Variants in RFX3 observed in about 807,000 individuals in gnomAD.
RFX3 encodes transcription factor RFX3.
RFX3 carries 14 observed loss-of-function variants against 98.6 expected under a neutral mutation model. The observed-to-expected ratio is 0.14, with a 90% CI of 0.09 to 0.22. The LOEUF (loss-of-function observed/expected upper bound fraction) is 0.22. Among genes scored for constraint, RFX3 ranks in the 10% least tolerant of loss-of-function variants. RFX3 has a pLI of 1.00. For synonymous variants in RFX3, 383 were observed against 328.4 expected (o/e 1.17, Z -1.80); for missense variants, 639 against 926.9 (o/e 0.69, Z 4.03).
At chr9:3,520,679 T>C (rs1338114443) in intron 1 of RFX3, among the ~76,000 whole-genome samples, 1 of 152,200 alleles carries the variant, frequency 6.6e-6, no homozygotes, top group Non-Finnish European at 1.5e-5. Context: ...CATTCGTTTC[T>C]GTTTTTGGTG....
At chr9:3,292,496 A>C (rs907277960) in intron 6 of RFX3, among the ~76,000 whole-genome samples, 1 of 152,188 alleles carries the variant, frequency 6.6e-6, no homozygotes, top group Non-Finnish European at 1.5e-5. Flanking sequence ...GGCTAATAAG[A>C]GGTAAAATAG....
chr9:3,480,980 A>G (rs1849709975), intron 1 of RFX3, among the ~76,000 whole-genome samples: 1 of 152,182 alleles, frequency 6.6e-6, no homozygotes, highest in Non-Finnish European at 1.5e-5. Context: ...TATATGCTAA[A>G]TGACTACCAC....
chr9:3,513,319 A>G (rs1406477905), intron 1 of RFX3, among the ~76,000 whole-genome samples: 1 of 152,118 alleles, frequency 6.6e-6, no homozygotes, highest in Admixed American at 6.6e-5. Flanking sequence ...GTGAACTGGG[A>G]TTCATATTTA....
chr9:3,499,843 T>C (rs1344806781), intron 1 of RFX3, among the ~76,000 whole-genome samples: 1 of 152,188 alleles, frequency 6.6e-6, no homozygotes, highest in Non-Finnish European at 1.5e-5. Context: ...TAATATTACC[T>C]GCAACTTTGG....
intron 1 of RFX3, among the ~76,000 whole-genome samples, chr9:3,504,757 A>ATATATAT (rs1295340148): frequency 3.8e-5 from 3 of 78,964 alleles, no homozygotes; most frequent in African/African-American, 9.6e-5. Flanking sequence ...TGTATATAAA[A>ATATATAT]TATATGCTAT....
chr9:3,362,877 AGT>A (rs1836619219), intron 2 of RFX3, among the ~76,000 whole-genome samples: 1 of 152,170 alleles, frequency 6.6e-6, no homozygotes. Context: ...CGAGAGGGGG[AGT>A]GTGTCTGGGA....
At chr9:3,392,905 A>C (rs1460795232) in intron 2 of RFX3, among the ~76,000 whole-genome samples, 1 of 152,194 alleles carries the variant, frequency 6.6e-6, no homozygotes, top group Non-Finnish European at 1.5e-5. Flanking sequence ...AAAAGCATTT[A>C]TATATCATGG....
chr9:3,490,726 C>G (rs181829042), intron 1 of RFX3, among the ~76,000 whole-genome samples: 2 of 152,020 alleles, frequency 1.3e-5, no homozygotes, highest in East Asian at 3.9e-4. Context: ...TGAAAATCAC[C>G]CTGCTAATTT....
chr9:3,428,251 T>C (rs532341945), intron 1 of RFX3, among the ~76,000 whole-genome samples: 32 of 152,280 alleles, frequency 2.1e-4, no homozygotes, highest in Admixed American at 1.9e-3. Context: ...TTATTCTCTC[T>C]CACTCTTTCA....
At chr9:3,377,471 G>A (rs1437652257) in intron 2 of RFX3, among the ~76,000 whole-genome samples, 1 of 152,008 alleles carries the variant, frequency 6.6e-6, no homozygotes, top group African/African-American at 2.4e-5. Flanking sequence ...ATAACATTAG[G>A]ATATATACCT....
intron 1 of RFX3, among the ~76,000 whole-genome samples, chr9:3,421,560 A>T (rs1843442253): frequency 6.6e-6 from 1 of 152,234 alleles, no homozygotes; most frequent in African/African-American, 2.4e-5. Flanking sequence ...TGTTGTACAG[A>T]ATAGCAGAAG....
At chr9:3,300,204 G>C (rs770868476) in intron 5 of RFX3, among the ~76,000 whole-genome samples, 1 of 151,578 alleles carries the variant, frequency 6.6e-6, no homozygotes, top group African/African-American at 2.4e-5. Flanking sequence ...ACATAAAAGA[G>C]TGACATACTA....
chr9:3,482,286 A>G (rs544573436), intron 1 of RFX3, among the ~76,000 whole-genome samples: 46 of 152,028 alleles, frequency 3.0e-4, no homozygotes, highest in Non-Finnish European at 6.3e-4. Flanking sequence ...GTAGGAGAAA[A>G]GAGCACATAC....
intron 1 of RFX3, among the ~76,000 whole-genome samples, chr9:3,494,195 G>T (rs1032821986): frequency 6.6e-6 from 1 of 152,114 alleles, no homozygotes; most frequent in African/African-American, 2.4e-5. Flanking sequence ...AGAGTACCTG[G>T]CTGAAAATTC....
At chr9:3,489,028 G>C (rs1057393859) in intron 1 of RFX3, 2 of 328,084 alleles carry the variant, frequency 6.1e-6, no homozygotes, top group Admixed American at 1.3e-4. Context: ...AGAAATTAAA[G>C]TGTAGTATTT....
rs546054988 is a variant in RFX3 at position 3,428,939 on chromosome 9, A to G, written c.-8-33343T>C. The stretch of plus-strand genomic sequence containing the variant: ...AAATTACCCATTAGGCACAGTGCCA[A>G]GGGCCCATAATACTCTCTAATACTC... On this transcript the variant is annotated intron_variant, in intron 1 of 16. Transcript: ENST00000617270. Among the ~76,000 whole-genome samples, 4 of 152,258 alleles carry G rather than the reference A, an allele frequency of 2.6e-5. No homozygotes were observed. In the South Asian group the frequency reaches 6.2e-4, roughly 24 times the overall value.
intron 15 of RFX3, among the ~76,000 whole-genome samples, chr9:3,234,670 A>C (rs940177955): frequency 3.9e-5 from 6 of 152,170 alleles, no homozygotes; most frequent in Admixed American, 6.5e-5. Context: ...AAAAAAACCC[A>C]AAAGCACCCC....
At chr9:3,366,693 C>CTTTCTTTCTTT (rs1554681220) in intron 2 of RFX3, among the ~76,000 whole-genome samples, 95 of 85,490 alleles carry the variant, frequency 1.1e-3, no homozygotes, top group Admixed American at 2.1e-3. Context: ...TTCTTTCTTT[C>CTTTCTTTCTTT]CTTTCTTTCT....
At chr9:3,248,452 C>T (rs1475139871) in intron 14 of RFX3, among the ~76,000 whole-genome samples, 1 of 152,154 alleles carries the variant, frequency 6.6e-6, no homozygotes, top group African/African-American at 2.4e-5. Context: ...GGCAAGTCTG[C>T]TGCTTCTACC....
Sources: gnomAD v4.1 joint callset for allele counts (sites outside exome capture counted in the v4.1 genomes callset) on GRCh38, gnomAD v4.1.1 for gene constraint, MANE v1.5 for transcripts, NCBI Gene and HGNC (gene_info 2026-07-23, HGNC 2026-07-21) for gene names.